The following NTRK2 variants were observed in gnomAD, a reference collection of about 807,000 sequenced individuals.
The protein encoded by NTRK2 is BDNF/NT-3 growth factors receptor.
NTRK2 carries 13 observed loss-of-function variants against 94.5 expected under a neutral mutation model. The ratio of observed to expected loss-of-function variants is 0.14; its 90% CI spans 0.09 to 0.22. NTRK2 has a LOEUF of 0.22. Ranked by LOEUF, NTRK2 falls within the 10% of genes least tolerant of loss-of-function variation. The probability of loss-of-function intolerance (pLI) is 1.00; values close to 1 mark genes in which losing one functional copy is unlikely to be tolerated. For synonymous variants in NTRK2, 372 were observed against 407.4 expected (o/e 0.91, Z 1.05); for missense variants, 639 against 1,071.2 (o/e 0.60, Z 5.63).
intron 12 of NTRK2, among the ~76,000 whole-genome samples, chr9:84,827,617 G>C (rs1216804677): frequency 1.3e-5 from 2 of 152,220 alleles, no homozygotes; most frequent in Non-Finnish European, 2.9e-5. Context: ...GGCCTGGCCT[G>C]TAGGCTGCCA....
chr9:84,789,975 T>A (rs543022323), intron 12 of NTRK2, among the ~76,000 whole-genome samples: 1 of 152,292 alleles, frequency 6.6e-6, no homozygotes, highest in East Asian at 1.9e-4. Context: ...TCGCTGGATT[T>A]TCGTTCAAAT....
chr9:84,752,419 C>A (rs1157065198), intron 12 of NTRK2, among the ~76,000 whole-genome samples: 1 of 152,162 alleles, frequency 6.6e-6, no homozygotes, highest in African/African-American at 2.4e-5. Context: ...ATAGGATAAC[C>A]TGGACACATG....
At chr9:84,931,284 G>A (rs915451533) in intron 14 of NTRK2, among the ~76,000 whole-genome samples, 1 of 152,048 alleles carries the variant, frequency 6.6e-6, no homozygotes, top group Middle Eastern at 3.2e-3. Context: ...GCACACACCT[G>A]TAGTCTCAGC....
intron 14 of NTRK2, among the ~76,000 whole-genome samples, chr9:84,910,900 C>T (rs1004559806): frequency 6.6e-6 from 1 of 152,126 alleles, no homozygotes; most frequent in African/African-American, 2.4e-5. Context: ...TTTCCATATA[C>T]ATTTCAGAAT....
intron 17 of NTRK2, among the ~76,000 whole-genome samples, chr9:85,013,212 T>C (rs1831825402): frequency 1.3e-5 from 2 of 152,104 alleles, no homozygotes; most frequent in Non-Finnish European, 2.9e-5. Flanking sequence ...TTATCACTCT[T>C]TGTAGTAGGA....
At chr9:84,777,710 A>G (rs1226519330) in intron 12 of NTRK2, among the ~76,000 whole-genome samples, 1 of 152,180 alleles carries the variant, frequency 6.6e-6, no homozygotes, top group Non-Finnish European at 1.5e-5. Context: ...AGCTCAAAAA[A>G]GTCCTGAAAA....
rs201562253 is a variant in NTRK2 at position 84,812,232 on chromosome 9, T to C, written c.1397-48808T>C. On this transcript the variant is annotated intron_variant, in intron 12 of 18. Transcript: ENST00000277120. ...CCACTTGATATAAAAAGGATATCCATAATGAATATTTTATACTGCATCCTT... is the reference window on the plus strand; with the variant it reads ...CCACTTGATATAAAAAGGATATCCACAATGAATATTTTATACTGCATCCTT... 2.4e-4 allele frequency: 249 copies of C among 1,056,028 alleles called. No homozygotes were observed. The African/African-American group carries it at 3.5e-3, about 15-fold the overall frequency. The allele number at this position is 1,056,028 out of a possible 1,614,324, so 65.4% of individuals were successfully genotyped here.
chr9:84,803,055 A>G (rs964913105), intron 12 of NTRK2, among the ~76,000 whole-genome samples: 1 of 152,150 alleles, frequency 6.6e-6, no homozygotes, highest in Non-Finnish European at 1.5e-5. Flanking sequence ...CCCCAGGTGG[A>G]CTGACAAAGG....
At chr9:84,979,050 A>T (rs1193559263) in intron 17 of NTRK2, among the ~76,000 whole-genome samples, 1 of 152,232 alleles carries the variant, frequency 6.6e-6, no homozygotes, top group African/African-American at 2.4e-5. Flanking sequence ...CAATGATGGG[A>T]TGTACAAGGA....
At chr9:84,881,360 A>T (rs1042973986) in intron 14 of NTRK2, among the ~76,000 whole-genome samples, 1 of 152,230 alleles carries the variant, frequency 6.6e-6, no homozygotes, top group Admixed American at 6.5e-5. Flanking sequence ...TTGGATGATG[A>T]ACGTGTAATC....
intron 15 of NTRK2, among the ~76,000 whole-genome samples, chr9:84,943,270 A>G (rs2078475969): frequency 1.3e-5 from 2 of 152,232 alleles, no homozygotes; most frequent in African/African-American, 4.8e-5. Context: ...AATGATTTCA[A>G]ATAAGCCCTC....
chr9:84,740,474 A>G lies in NTRK2; in HGVS notation c.1160-1418A>G, dbSNP rs572221103. ...ACTTTGCATACATTGATACAGTGCCATCATATGTGGCTGCACAGGGTGTGC... is the reference window on the plus strand; with the variant it reads ...ACTTTGCATACATTGATACAGTGCCGTCATATGTGGCTGCACAGGGTGTGC... On this transcript the variant is annotated intron_variant, in intron 9 of 18. Transcript: ENST00000277120. Among the ~76,000 whole-genome samples the G allele has an allele frequency of 1.4e-4, 22 of 152,236 alleles. No individual in the cohort carries two copies. In the South Asian group the frequency reaches 4.6e-3, roughly 31 times the overall value.
rs1187346 is a variant in NTRK2 at position 84,684,031 on chromosome 9, C to T, written c.212+13071C>T. Among the ~76,000 whole-genome samples, 195 of 151,770 alleles carry T rather than the reference C, an allele frequency of 1.3e-3. 1 individual carries two copies. Among genetic ancestry groups the T allele is most frequent in the Admixed American group, 2.2e-3 (33 of 15,252 alleles). Reference sequence around the variant, plus strand: ...AATATCTATTCATATCCTTTGCCCACTTTTTTTATGGGTTTTTTTTTCTTG... The same window carrying T: ...AATATCTATTCATATCCTTTGCCCATTTTTTTTATGGGTTTTTTTTTCTTG... On this transcript the variant is annotated intron_variant, in intron 2 of 18. Coordinates refer to ENST00000277120, the MANE Select transcript of NTRK2 (RefSeq NM_006180.6).
rs1587794454 is a variant in NTRK2 at position 84,877,339 on chromosome 9, C to G, written c.1633+9908C>G. The stretch of plus-strand genomic sequence containing the variant: ...GAAGAACTTTGGTGTGAGGGCGGAG[C>G]TATGTGAAGGGTTGCTGGGTTGGGG... On this transcript the variant is annotated intron_variant, in intron 14 of 18. Coordinates refer to ENST00000277120, the MANE Select transcript of NTRK2 (RefSeq NM_006180.6). The G allele has an allele frequency of 2.8e-6, 3 of 1,066,076 alleles. No homozygotes were observed. The East Asian group carries it at 1.5e-4, about 53-fold the overall frequency. 66.0% of individuals were successfully genotyped at this position (1,066,076 alleles called of 1,614,324 possible).
rs960652438 is a variant in NTRK2 at position 84,994,043 on chromosome 9, G to A, written c.2173-26163G>A. ...GAAGTATTTTTATACAAGTTTTAAA[G>A]TAGCCACCACCCTGAATCCACATCC... On this transcript the variant is annotated intron_variant, in intron 17 of 18. Transcript: ENST00000277120. 2.0e-5 allele frequency among the ~76,000 whole-genome samples: 3 copies of A among 152,058 alleles called. No homozygotes were observed. In the South Asian group the frequency reaches 6.2e-4, roughly 32 times the overall value.
At position 85,026,759 on chromosome 9, in the gene NTRK2, G is replaced by T. The variant is rs1403472140; in HGVS notation, c.*5322G>T. ...CTACAGATATATTTCCCCTTCAATC[G>T]TGACCTGGTATTTGGAACTCTCCTT... is the stretch of plus-strand genomic sequence containing the variant. On this transcript the variant is annotated 3_prime_UTR_variant, in exon 19 of 19. Coordinates refer to ENST00000277120, the MANE Select transcript of NTRK2 (RefSeq NM_006180.6). The T allele has an allele frequency of 4.3e-6, 1 of 232,572 alleles. No individual in the cohort carries two copies. Among genetic ancestry groups the T allele is most frequent in the Non-Finnish European group, 8.5e-6 (1 of 117,912 alleles). 14.4% of individuals were successfully genotyped at this position (232,572 alleles called of 1,614,324 possible). A position where few individuals can be genotyped will look rare whatever the true frequency, so the allele number is the denominator to read the frequency against.
intron 14 of NTRK2, among the ~76,000 whole-genome samples, chr9:84,880,495 A>C (rs888256412): frequency 2.0e-5 from 3 of 152,208 alleles, no homozygotes. Flanking sequence ...TTTTCCATTC[A>C]AAGGTCCATG....
At chr9:84,804,349 G>T (rs545133753) in intron 12 of NTRK2, among the ~76,000 whole-genome samples, 9 of 151,624 alleles carry the variant, frequency 5.9e-5, no homozygotes, top group African/African-American at 2.2e-4. Context: ...AATCATTATC[G>T]TCATCCTCAC....
chr9:84,826,982 AG>A (rs2073231684), intron 12 of NTRK2, among the ~76,000 whole-genome samples: 1 of 152,198 alleles, frequency 6.6e-6, no homozygotes, highest in African/African-American at 2.4e-5. Context: ...GGGGTTTGGC[AG>A]GTCCTCTTAT....
Sources: allele counts gnomAD v4.1 joint callset (sites outside exome capture counted in the v4.1 genomes callset), GRCh38; gene constraint gnomAD v4.1.1; transcripts MANE v1.5; gene names NCBI Gene and HGNC (gene_info 2026-07-23, HGNC 2026-07-21).